The following ARHGAP26 variants were observed in gnomAD, a reference collection of about 807,000 sequenced individuals.
ARHGAP26 encodes the protein rho GTPase-activating protein 26.
ARHGAP26 carries 38 observed loss-of-function variants against 104.8 expected under a neutral mutation model. The ratio of observed to expected loss-of-function variants is 0.36; its 90% confidence interval spans 0.28 to 0.48. The LOEUF is 0.48. ARHGAP26 is among the 20% of genes least tolerant of loss of function. The pLI is 0.99. For synonymous variants in ARHGAP26, 341 were observed against 340.0 expected (o/e 1.00, Z -0.03); for missense variants, 704 against 947.9 (o/e 0.74, Z 3.38).
chr5:143,098,357 A>T (rs1376343308), intron 17 of ARHGAP26, among the ~76,000 whole-genome samples: 2 of 152,160 alleles, frequency 1.3e-5, no homozygotes, highest in African/African-American at 4.8e-5. Flanking sequence ...TTTAATTTTT[A>T]AATTAAATTT....
At chr5:142,967,170 G>A (rs1771509829) in intron 11 of ARHGAP26, among the ~76,000 whole-genome samples, 1 of 152,072 alleles carries the variant, frequency 6.6e-6, no homozygotes, top group Non-Finnish European at 1.5e-5. Flanking sequence ...TGTTTTTATT[G>A]GAAGTAAGAT....
At chr5:142,900,915 A>T (rs1760241230) in intron 6 of ARHGAP26, among the ~76,000 whole-genome samples, 1 of 152,174 alleles carries the variant, frequency 6.6e-6, no homozygotes. Flanking sequence ...TTAATGGGAT[A>T]GTCCCCAAAT....
chr5:143,118,056 C>T (rs1795702401), intron 17 of ARHGAP26, among the ~76,000 whole-genome samples: 1 of 152,170 alleles, frequency 6.6e-6, no homozygotes. Context: ...CTTCTGCCTT[C>T]ACTGGGTATA....
At chr5:143,094,490 C>A (rs558232546) in intron 17 of ARHGAP26, among the ~76,000 whole-genome samples, 55 of 152,322 alleles carry the variant, frequency 3.6e-4, no homozygotes, top group South Asian at 2.1e-3. Flanking sequence ...GGAACGTAAT[C>A]CCAGAGCAGC....
chr5:142,912,994 G>C (rs1762035548), intron 9 of ARHGAP26, among the ~76,000 whole-genome samples: 1 of 152,292 alleles, frequency 6.6e-6, no homozygotes. Flanking sequence ...AGATGTTTGG[G>C]TCCAAGTCTA....
intron 11 of ARHGAP26, among the ~76,000 whole-genome samples, chr5:142,948,923 G>A (rs1767595168): frequency 6.6e-6 from 1 of 151,916 alleles, no homozygotes; most frequent in African/African-American, 2.4e-5. Flanking sequence ...TGGACAACAT[G>A]GTGAAATCCC....
At chr5:143,150,613 G>T (rs73796901) in intron 20 of ARHGAP26, among the ~76,000 whole-genome samples, 19,855 of 152,112 alleles carry the variant, frequency 0.13, 1,563 homozygotes, top group Middle Eastern at 0.19. Context: ...GAGGGAGCTG[G>T]AATTCCTCTG....
chr5:143,215,700 T>C (rs939732766), intron 22 of ARHGAP26, among the ~76,000 whole-genome samples: 1 of 152,246 alleles, frequency 6.6e-6, no homozygotes, highest in African/African-American at 2.4e-5. Context: ...GCTCCGGACA[T>C]TTCATACAAA....
intron 12 of ARHGAP26, among the ~76,000 whole-genome samples, chr5:143,033,563 C>T (rs746998121): frequency 6.6e-6 from 1 of 152,206 alleles, no homozygotes; most frequent in Non-Finnish European, 1.5e-5. Context: ...CATGTATCTT[C>T]TGACCACTGG....
At chr5:143,178,379 C>T (rs537781853) in intron 20 of ARHGAP26, among the ~76,000 whole-genome samples, 1 of 152,324 alleles carries the variant, frequency 6.6e-6, no homozygotes, top group East Asian at 1.9e-4. Flanking sequence ...TCTGTTGAAT[C>T]AGTACCCAGA....
chr5:142,876,555 C>T (rs1203199831), intron 3 of ARHGAP26, among the ~76,000 whole-genome samples: 2 of 151,766 alleles, frequency 1.3e-5, no homozygotes, highest in East Asian at 1.9e-4. Flanking sequence ...GTGAGAGGAT[C>T]GCTTGAGCCT....
intron 1 of ARHGAP26, among the ~76,000 whole-genome samples, chr5:142,845,380 A>G (rs1477256706): frequency 6.6e-6 from 1 of 152,180 alleles, no homozygotes; most frequent in African/African-American, 2.4e-5. Context: ...GCAGTTAAGA[A>G]TAGCAAATGT....
At chr5:142,998,525 C>G (rs1419153189) in intron 11 of ARHGAP26, among the ~76,000 whole-genome samples, 1 of 152,164 alleles carries the variant, frequency 6.6e-6, no homozygotes, top group Admixed American at 6.5e-5. Context: ...GTTGGTTGCT[C>G]AGGTCCGGTG....
chr5:143,135,835 C>T (rs977326307), intron 19 of ARHGAP26, among the ~76,000 whole-genome samples: 6 of 152,218 alleles, frequency 3.9e-5, no homozygotes, highest in Admixed American at 6.5e-5. Flanking sequence ...GATTGGCTTT[C>T]CTTCTAACAG....
chr5:142,960,166 A>T (rs1316702237), intron 11 of ARHGAP26, among the ~76,000 whole-genome samples: 1 of 152,240 alleles, frequency 6.6e-6, no homozygotes, highest in Non-Finnish European at 1.5e-5. Flanking sequence ...CAGCAGAAGA[A>T]AGTATACTAT....
At chr5:142,877,661 T>C (rs1756326160) in intron 3 of ARHGAP26, among the ~76,000 whole-genome samples, 2 of 152,212 alleles carry the variant, frequency 1.3e-5, no homozygotes, top group Non-Finnish European at 2.9e-5. Context: ...TTGAGCACTT[T>C]CGTTTTATAA....
intron 1 of ARHGAP26, among the ~76,000 whole-genome samples, chr5:142,851,925 A>G (rs771747316): frequency 2.0e-5 from 3 of 152,128 alleles, no homozygotes; most frequent in South Asian, 2.1e-4. Context: ...GAGTCTGGCT[A>G]TTTCCAGGGT....
At chr5:142,886,788 C>T (rs1336980916) in intron 5 of ARHGAP26, among the ~76,000 whole-genome samples, 4 of 152,092 alleles carry the variant, frequency 2.6e-5, no homozygotes, top group Admixed American at 1.3e-4. Context: ...GATATGGGCA[C>T]TATCCCACAG....
chr5:143,128,799 C>T (rs1025298652), intron 18 of ARHGAP26, among the ~76,000 whole-genome samples: 1 of 152,174 alleles, frequency 6.6e-6, no homozygotes, highest in Non-Finnish European at 1.5e-5. Flanking sequence ...TCTCATTTCT[C>T]GTATAAACCT....
Sources: allele counts gnomAD v4.1 joint callset (sites outside exome capture counted in the v4.1 genomes callset), GRCh38; gene constraint gnomAD v4.1.1; transcripts MANE v1.5; gene names NCBI Gene and HGNC (gene_info 2026-07-23, HGNC 2026-07-21).